Variants in RCAN2 observed in about 807,000 individuals in gnomAD.
The protein encoded by RCAN2 is calcipressin-2.
In RCAN2, 9 loss-of-function variants were observed where a neutral mutation model predicts 23.6. That is an observed-to-expected ratio of 0.38 (90% CI 0.23 to 0.67). RCAN2 has a LOEUF of 0.67. Among genes scored for constraint, RCAN2 ranks in the 30% least tolerant of loss-of-function variants. RCAN2 has a pLI of 0.51. For missense variants in RCAN2, 273 were observed against 302.3 expected (o/e 0.90, Z 0.72); for synonymous variants, 109 against 115.7 (o/e 0.94, Z 0.37).
intron 2 of RCAN2, among the ~76,000 whole-genome samples, chr6:46,366,969 C>G (rs925493429): frequency 7.2e-6 from 1 of 139,300 alleles, no homozygotes; most frequent in Non-Finnish European, 1.6e-5. Flanking sequence ...TAGCCCAACT[C>G]CCCACCCACT....
chr6:46,259,210 A>C (rs1001255395), intron 2 of RCAN2, among the ~76,000 whole-genome samples: 4 of 152,078 alleles, frequency 2.6e-5, no homozygotes, highest in African/African-American at 7.2e-5. Context: ...AACAAAACAC[A>C]AAAAAAGCAA....
At chr6:46,387,808 G>A (rs1428009902) in intron 2 of RCAN2, among the ~76,000 whole-genome samples, 1 of 152,174 alleles carries the variant, frequency 6.6e-6, no homozygotes, top group Admixed American at 6.5e-5. Context: ...GCACACGTAT[G>A]TTTATTGTGG....
At chr6:46,412,539 CA>C (rs761984497) in intron 2 of RCAN2, among the ~76,000 whole-genome samples, 23 of 152,028 alleles carry the variant, frequency 1.5e-4, no homozygotes, top group Non-Finnish European at 2.5e-4. Flanking sequence ...CCAAATTTAG[CA>C]GAGGAAAAAC....
chr6:46,295,655 A>C (rs80110278), intron 2 of RCAN2, among the ~76,000 whole-genome samples: 1,575 of 152,238 alleles, frequency 0.01, 28 homozygotes, highest in African/African-American at 0.036. Flanking sequence ...TGACAAATCT[A>C]CTATTTAAAG....
In RCAN2 at chr6:46,318,269, T is replaced by C. The variant is rs114743751; in HGVS notation, c.226-69373A>G. On this transcript the variant is annotated intron_variant, in intron 2 of 4. Transcript: ENST00000371374. Reference sequence around the variant, plus strand: ...CAAAGTATCCTATTGTTGGAGCAAATAAAACATTATTGAAGATGTTGTTTT... The same window carrying C: ...CAAAGTATCCTATTGTTGGAGCAAACAAAACATTATTGAAGATGTTGTTTT... 7.2e-3 allele frequency among the ~76,000 whole-genome samples: 1,092 copies of C among 152,256 alleles called. 8 individuals are homozygous for C. The highest frequency in any genetic ancestry group is 0.025 in the African/African-American group (1,020 of 41,548).
chr6:46,414,276 G>A (rs577538065), intron 2 of RCAN2, among the ~76,000 whole-genome samples: 1 of 152,126 alleles, frequency 6.6e-6, no homozygotes, highest in Non-Finnish European at 1.5e-5. Context: ...AGTGTAAATG[G>A]GAGATAGACA....
intron 4 of RCAN2, among the ~76,000 whole-genome samples, chr6:46,225,715 T>G (rs1295249263): frequency 6.6e-6 from 1 of 152,184 alleles, no homozygotes; most frequent in African/African-American, 2.4e-5. Flanking sequence ...ATTGTAAAAA[T>G]TTTCTCCCAA....
intron 2 of RCAN2, among the ~76,000 whole-genome samples, chr6:46,344,422 T>G (rs1453074892): frequency 6.6e-6 from 1 of 151,954 alleles, no homozygotes; most frequent in African/African-American, 2.4e-5. Flanking sequence ...AGGCATAAAT[T>G]TGTGGGTAAA....
Position 46,222,914 on chromosome 6 carries a change from CT to C in RCAN2, c.*226del. 1 of 521,022 alleles carries C rather than the reference CT, an allele frequency of 1.9e-6. No individual in the cohort carries two copies. The highest frequency in any genetic ancestry group is 3.4e-6 in the Non-Finnish European group (1 of 291,628). 32.3% of individuals were successfully genotyped at this position (521,022 alleles called of 1,614,324 possible). On this transcript the variant is annotated 3_prime_UTR_variant, in exon 5 of 5. Transcript: ENST00000371374. ...CTGATTGTTTAATAAGAAAATACTACTTTTTTCCCTAGAACCTTCTAAATAA... is the reference window on the plus strand; with the variant it reads ...CTGATTGTTTAATAAGAAAATACTACTTTTTCCCTAGAACCTTCTAAATAA...
At chr6:46,403,300 C>T (rs1325256846) in intron 2 of RCAN2, among the ~76,000 whole-genome samples, 4 of 151,898 alleles carry the variant, frequency 2.6e-5, no homozygotes, top group Admixed American at 1.3e-4. Flanking sequence ...TGGCTGGGCA[C>T]GATGGCTCAC....
At chr6:46,271,096 T>A (rs935109) in intron 2 of RCAN2, among the ~76,000 whole-genome samples, 119,052 of 152,152 alleles carry the variant, frequency 0.78, 46,894 homozygotes, top group Non-Finnish European at 0.83. Flanking sequence ...TTTGACAGAG[T>A]TTTCCAGAGA....
Position 46,260,433 on chromosome 6 carries a change from C to G in RCAN2, c.226-11537G>C, listed in dbSNP as rs142677636. Among the ~76,000 whole-genome samples the G allele has an allele frequency of 7.7e-3, 1,176 of 152,220 alleles. 11 individuals are homozygous for G. Among genetic ancestry groups the G allele is most frequent in the Non-Finnish European group, 0.014 (952 of 68,008 alleles). On this transcript the variant is annotated intron_variant, in intron 2 of 4. Transcript: ENST00000371374. ...ATGGCTGAGTACATCCTTTCCTTGC[C>G]TAAATCCACTTTGTAAGTACCCAAA... is the stretch of plus-strand genomic sequence containing the variant.
intron 2 of RCAN2, among the ~76,000 whole-genome samples, chr6:46,438,049 C>A (rs1767422613): frequency 6.6e-6 from 1 of 152,168 alleles, no homozygotes; most frequent in African/African-American, 2.4e-5. Context: ...CTTGGAGAAG[C>A]AGCCCTGGCC....
At position 46,387,049 on chromosome 6, in the gene RCAN2, A is replaced by G. The variant is rs1765776298; in HGVS notation, c.225+69703T>C. 2.0e-5 allele frequency among the ~76,000 whole-genome samples: 3 copies of G among 152,348 alleles called. No individual in the cohort carries two copies. In the South Asian group the frequency reaches 6.2e-4, roughly 32 times the overall value. ...GGTGCTGAGAAAACGGGCTAGCCAT[A>G]TGTAGAAAGTTGAAACTGGATCCCT... On this transcript the variant is annotated intron_variant, in intron 2 of 4. Transcript: ENST00000371374.
At chr6:46,267,541 T>C (rs1445391701) in intron 2 of RCAN2, among the ~76,000 whole-genome samples, 1 of 151,994 alleles carries the variant, frequency 6.6e-6, no homozygotes, top group Non-Finnish European at 1.5e-5. Context: ...GAAAACGAGG[T>C]GGGCATAGTG....
chr6:46,433,508 G>C (rs1211275974), intron 2 of RCAN2, among the ~76,000 whole-genome samples: 2 of 152,196 alleles, frequency 1.3e-5, no homozygotes, highest in Admixed American at 1.3e-4. Context: ...GAGGCAAGAG[G>C]ATCAGACTCA....
rs534497965 is a variant in RCAN2, at chr6:46,296,402, C to G, written c.226-47506G>C. Among the ~76,000 whole-genome samples, 3 of 152,156 alleles carry G rather than the reference C, an allele frequency of 2.0e-5. No homozygotes were observed. The South Asian group carries it at 6.2e-4, about 32-fold the overall frequency. ...GTGACATATTTTGACATCACATATTCCCTTCTGACTTAATTATGTTAGCAG... is the reference window on the plus strand; with the variant it reads ...GTGACATATTTTGACATCACATATTGCCTTCTGACTTAATTATGTTAGCAG... On this transcript the variant is annotated intron_variant, in intron 2 of 4. Transcript: ENST00000371374.
Position 46,423,722 on chromosome 6 carries a change from G to A in RCAN2, c.225+33030C>T, listed in dbSNP as rs115315957. Among the ~76,000 whole-genome samples the A allele has an allele frequency of 9.8e-3, 1,484 of 152,140 alleles. 20 individuals carry two copies. Among genetic ancestry groups the A allele is most frequent in the African/African-American group, 0.034 (1,402 of 41,502 alleles). On this transcript the variant is annotated intron_variant, in intron 2 of 4. Transcript: ENST00000371374. The stretch of plus-strand genomic sequence containing the variant: ...ATTTTAAATCCTATTGTCTTAGATA[G>A]TTACAATTTTTGCCACATCTTTGAT...
At chr6:46,235,740 C>T (rs1370897172) in intron 4 of RCAN2, among the ~76,000 whole-genome samples, 1 of 152,096 alleles carries the variant, frequency 6.6e-6, no homozygotes, top group African/African-American at 2.4e-5. Flanking sequence ...CATTGCTTGT[C>T]AAACCTTCTC....
Sources: allele counts gnomAD v4.1 joint callset (sites outside exome capture counted in the v4.1 genomes callset), GRCh38; gene constraint gnomAD v4.1.1; transcripts MANE v1.5; gene names NCBI Gene and HGNC (gene_info 2026-07-23, HGNC 2026-07-21).